Variants in GYG2 observed in about 807,000 individuals in gnomAD.
GYG2 encodes the protein glycogenin 2, also known as glycogenin-2.
A neutral mutation model predicts 29.4 loss-of-function variants in GYG2; 29 were observed. That is an observed-to-expected ratio of 0.99 (90% CI 0.74 to 1.35). GYG2 has a LOEUF of 1.35. Among genes scored for constraint, GYG2 ranks in the 40% most tolerant of loss-of-function variants. GYG2 has a pLI of 0.00. For synonymous variants in GYG2, 167 were observed against 172.3 expected, an observed-to-expected ratio of 0.97 and a Z score of 0.24; for missense variants, 370 against 385.7, an observed-to-expected ratio of 0.96 and a Z score of 0.34.
chrX:2,831,009 G>A (rs778880611), intron 2 of GYG2, among the ~76,000 whole-genome samples: 49 of 112,372 alleles, frequency 4.4e-4, no homozygotes, highest in African/African-American at 1.5e-3. Flanking sequence ...GCCTGCCCCC[G>A]CCAAGGACCG....
At chrX:2,863,596 C>G (rs1376898249) in intron 8 of GYG2, among the ~76,000 whole-genome samples, 1 of 112,415 alleles carries the variant, frequency 8.9e-6, no homozygotes, top group Non-Finnish European at 1.9e-5. Context: ...CTTCACTGTA[C>G]TCTGGCGTAA....
At chrX:2,861,781 C>A in intron 8 of GYG2, 59 bp downstream of exon 8, 1 of 925,185 alleles carries the variant, frequency 1.1e-6, no homozygotes, top group Non-Finnish European at 1.5e-6. Context: ...AGTGAGAGAG[C>A]AGAGAGAGCC....
At chrX:2,854,573 A>T (rs2087937241) in intron 4 of GYG2, among the ~76,000 whole-genome samples, 1 of 111,819 alleles carries the variant, frequency 8.9e-6, no homozygotes, top group Admixed American at 9.6e-5. Flanking sequence ...GGATTGGAAG[A>T]CATGTTCCTA....
Position 2,881,199 on chromosome X carries a change from C to A in GYG2, c.1399C>A (p.Arg467=). The A allele has an allele frequency of 4.2e-6, 5 of 1,188,964 alleles. No homozygotes were observed. Among genetic ancestry groups the A allele is most frequent in the Non-Finnish European group, 5.7e-6 (5 of 883,393 alleles). Reference sequence around the variant, plus strand: ...TGCTCGCATCCAGGAGAAGCTGGACCGGTTCCTGCAGTAATCCGGCAGCTG... The same window carrying A: ...TGCTCGCATCCAGGAGAAGCTGGACAGGTTCCTGCAGTAATCCGGCAGCTG... ...AFARIQEKLD[R]FLQ Residue 467 remains arginine (R), a synonymous_variant, in exon 11 of 11, where the codon CGG becomes AGG. Transcript: ENST00000398806.
rs771527869 is a variant in GYG2, at chrX:2,830,209, G to C, written c.7+14G>C. On this transcript the variant is annotated intron_variant, in intron 2 of 10. Coordinates refer to ENST00000398806, the MANE Select transcript of GYG2 (RefSeq NM_001079855.2). ...TGACCATGTCGGGTGAGTAGCTCAA[G>C]CTGCTTCAGTTCAGCCTGCCTGTTC... is the stretch of plus-strand genomic sequence containing the variant. 9.2e-6 allele frequency: 11 copies of C among 1,194,421 alleles called. No individual in the cohort carries two copies. Among genetic ancestry groups the C allele is most frequent in the Non-Finnish European group, 1.3e-5 (11 of 879,366 alleles).
At chrX:2,874,560 GTATTTGT>G (rs761374100) in intron 8 of GYG2, among the ~76,000 whole-genome samples, 12 of 111,839 alleles carry the variant, frequency 1.1e-4, no homozygotes, top group Non-Finnish European at 2.1e-4. Context: ...TTGCCATTTT[GTATTTGT>G]TATTTGTTGA....
At position 2,843,032 on chromosome X, in the gene GYG2, C is replaced by G. The variant is rs765257386; in HGVS notation, c.8-181C>G. 6.2e-5 allele frequency: 31 copies of G among 502,712 alleles called. No individual in the cohort carries two copies. The highest frequency in any genetic ancestry group is 8.9e-5 in the Non-Finnish European group (25 of 280,060). The allele number at this position is 502,712 out of a possible 1,213,427, so 41.4% of individuals were successfully genotyped here. ...TTCACCATGGTGCCCAGGCTGGTCT[C>G]GAACTCCTGAGGTCAAGCAATTCAC... On this transcript the variant is annotated intron_variant, in intron 2 of 10. Coordinates refer to ENST00000398806, the MANE Select transcript of GYG2 (RefSeq NM_001079855.2).
rs374480210 is a variant in GYG2 at position 2,846,055 on chromosome X, A to ATTT, written c.149+2728_149+2730dup. Among the ~76,000 whole-genome samples the ATTT allele has an allele frequency of 3.9e-4, 15 of 38,675 alleles. 1 individual carries two copies. Among genetic ancestry groups the ATTT allele is most frequent in the African/African-American group, 1.3e-3 (13 of 10,203 alleles). 33.6% of individuals were successfully genotyped at this position (38,675 alleles called of 115,157 possible). A position where few individuals can be genotyped will look rare whatever the true frequency, so the allele number is the denominator to read the frequency against. ...TATACACATATATATATATATATAT[A>ATTT]TTTTTTTTTTTTTTTTTTTTTTTTT... On this transcript the variant is annotated intron_variant, in intron 3 of 10. Transcript: ENST00000398806.
At chrX:2,844,174 A>C (rs748588523) in intron 3 of GYG2, among the ~76,000 whole-genome samples, 1 of 112,323 alleles carries the variant, frequency 8.9e-6, no homozygotes, top group Non-Finnish European at 1.9e-5. Context: ...GCAGGAATTG[A>C]ATGTCATATT....
At chrX:2,865,863 T>C (rs2088283560) in intron 8 of GYG2, among the ~76,000 whole-genome samples, 2 of 61,789 alleles carry the variant, frequency 3.2e-5, no homozygotes, top group South Asian at 6.7e-4. Flanking sequence ...AACTACCACA[T>C]GATCCAGCCA....
At chrX:2,848,588 C>G (rs762418600) in intron 3 of GYG2, among the ~76,000 whole-genome samples, 1 of 109,947 alleles carries the variant, frequency 9.1e-6, no homozygotes, top group East Asian at 2.8e-4. Flanking sequence ...CAAAAATGCA[C>G]CAGTGAGTGG....
At chrX:2,870,519 G>C (rs773953041) in intron 8 of GYG2, among the ~76,000 whole-genome samples, 1 of 111,505 alleles carries the variant, frequency 9.0e-6, no homozygotes, top group Non-Finnish European at 1.9e-5. Context: ...AACATTAGTA[G>C]AACCGTTGAC....
intron 3 of GYG2, among the ~76,000 whole-genome samples, chrX:2,848,683 G>C (rs2087802048): frequency 8.9e-6 from 1 of 111,743 alleles, no homozygotes; most frequent in Admixed American, 9.6e-5. Flanking sequence ...TGCTGTTAAA[G>C]AGTGTAATTG....
rs779148573 is a variant in GYG2, at chrX:2,843,317, G to C, written c.112G>C (p.Val38Leu). ...GAGACACAGGCTGACGAGGAAGCTG[G>C]TGGTGTTGATCACTCCTCAGGTGTC... ...LRRHRLTRKL[V>L]VLITPQVSSL... The change falls in exon 3 of 11, where the codon GTG becomes CTG. Residue 38 changes from valine (V) to leucine (L), a missense_variant. Coordinates refer to ENST00000398806, the MANE Select transcript of GYG2 (RefSeq NM_001079855.2). 1.7e-6 allele frequency: 2 copies of C among 1,200,403 alleles called. No homozygotes were observed. Among genetic ancestry groups the C allele is most frequent in the South Asian group, 1.8e-5 (1 of 55,913 alleles).
intron 8 of GYG2, among the ~76,000 whole-genome samples, chrX:2,872,631 A>G (rs1203029922): frequency 8.9e-6 from 1 of 112,624 alleles, no homozygotes; most frequent in African/African-American, 3.2e-5. Context: ...GAAGGATTAT[A>G]CTTCATGATC....
chrX:2,845,092 T>C (rs2087650617), intron 3 of GYG2, among the ~76,000 whole-genome samples: 2 of 86,953 alleles, frequency 2.3e-5, no homozygotes, highest in Non-Finnish European at 4.5e-5. Flanking sequence ...CGTGTGTATG[T>C]ATATTTATAT....
chrX:2,838,388 G>A (rs73433470), intron 2 of GYG2, among the ~76,000 whole-genome samples: 4,713 of 109,105 alleles, frequency 0.043, 298 homozygotes, highest in African/African-American at 0.15. Flanking sequence ...GTCAGGAAAA[G>A]GACTGCTGAT....
At chrX:2,858,125 C>T (rs1207065391) in intron 6 of GYG2, among the ~76,000 whole-genome samples, 2 of 110,887 alleles carry the variant, frequency 1.8e-5, no homozygotes, top group Non-Finnish European at 3.8e-5. Flanking sequence ...TTTCTAATTT[C>T]TCAGTTTTAA....
intron 9 of GYG2, among the ~76,000 whole-genome samples, chrX:2,876,214 TAATAAG>T (rs2147273222): frequency 9.1e-6 from 1 of 110,322 alleles, no homozygotes; most frequent in African/African-American, 3.3e-5. Context: ...TTAAAAAAAT[TAATAAG>T]AAAAAGATAC....
Sources: allele counts gnomAD v4.1 joint callset (sites outside exome capture counted in the v4.1 genomes callset), GRCh38; gene constraint gnomAD v4.1.1; transcripts MANE v1.5; gene names NCBI Gene and HGNC (gene_info 2026-07-23, HGNC 2026-07-21).